CIART: variants seen among roughly 807,000 people sequenced by gnomAD.
CIART encodes circadian associated repressor of transcription.
A neutral mutation model predicts 22.1 loss-of-function variants in CIART; 7 were observed. The ratio of observed to expected loss-of-function variants is 0.32; its 90% confidence interval spans 0.18 to 0.59. The LOEUF (loss-of-function observed/expected upper bound fraction) is 0.59, where lower values mean the gene tolerates loss of function less well. Among genes scored for constraint, CIART ranks in the 20% least tolerant of loss-of-function variants. The probability of loss-of-function intolerance (pLI) is 0.86; values close to 1 mark genes in which losing one functional copy is unlikely to be tolerated. For synonymous variants in CIART, 163 were observed against 174.6 expected (o/e 0.93, Z 0.53); for missense variants, 440 against 478.0 (o/e 0.92, Z 0.74).
rs782348606 is a variant in CIART, at chr1:150,283,467, G to T, written c.200G>T (p.Arg67Leu). 5 of 1,614,208 alleles carry T rather than the reference G, an allele frequency of 3.1e-6. No homozygotes were observed. The Admixed American group carries it at 5.0e-5, about 16-fold the overall frequency. ...CCGGGTCCTATCCGCTGCAGGCATCGATCGAAGGTTTCCGGTAACCAGCAT... is the reference window on the plus strand; with the variant it reads ...CCGGGTCCTATCCGCTGCAGGCATCTATCGAAGGTTTCCGGTAACCAGCAT... ...PSPGPIRCRH[R>L]SKVSGNQHTP... The change falls in exon 1 of 5, where the codon CGA (arginine) becomes CTA (leucine). Residue 67 changes from arginine to leucine, a missense_variant. Arg to Leu is a moderately radical substitution (Grantham distance 102). Coordinates refer to ENST00000290363, the MANE Select transcript of CIART (RefSeq NM_144697.4).
chr1:150,285,256 A>C (rs1287741150), intron 4 of CIART: 1 of 155,944 alleles, frequency 6.4e-6, no homozygotes, highest in Non-Finnish European at 1.4e-5. Context: ...ACCTATTTTC[A>C]GCCGGGAGCG....
intron 4 of CIART, 165 bp downstream of exon 4, chr1:150,284,873 T>TTTGTTGTTGTTG (rs3054391): frequency 4.3e-5 from 24 of 560,874 alleles, no homozygotes; most frequent in Admixed American, 1.0e-4. Flanking sequence ...TCCTACATGT[T>TTTGTTGTTGTTG]TTGTTGTTGT....
Position 150,284,686 on chromosome 1 carries a change from G to C in CIART, c.611G>C (p.Gly204Ala), listed in dbSNP as rs373454172. The change falls in exon 4 of 5, where the codon GGT becomes GCT. Residue 204 changes from glycine (G) to alanine (A), a missense_variant. Physicochemically the swap from Gly to Ala is moderately conservative, Grantham distance 60. Coordinates refer to ENST00000290363, the MANE Select transcript of CIART (RefSeq NM_144697.4). ...GCTGCCCAGAAGTCATCATTGGGTG[G>C]TGGCAAGCATCAGCTGACCAAGGTA... The part of the protein sequence containing the change: ...QIAAQKSSLG[G>A]GKHQLTKHFP... 6.2e-7 allele frequency: 1 copy of C among 1,613,028 alleles called. No homozygotes were observed.
In CIART at chr1:150,283,559, A is replaced by C; in HGVS notation, c.292A>C (p.Arg98=). The stretch of plus-strand genomic sequence containing the variant: ...GGCAGGATCTGGGGCGAAAAGATCA[A>C]GAGATGGTGAACTGGAGACCAGTCT... ...PMAGSGAKRS[R]DGELETSLNT... The change falls in exon 1 of 5, where the codon AGA becomes CGA. Residue 98 remains arginine (R), a synonymous_variant. Transcript: ENST00000290363. 1 of 1,614,212 alleles carries C rather than the reference A, an allele frequency of 6.2e-7. No homozygotes were observed. The highest frequency in any genetic ancestry group is 8.5e-7 in the Non-Finnish European group (1 of 1,179,996).
Position 150,282,976 on chromosome 1 carries a change from A to G in CIART, c.-292A>G, listed in dbSNP as rs587727778. On this transcript the variant is annotated 5_prime_UTR_variant, in exon 1 of 5. Transcript: ENST00000290363. ...GGTATTTACTCTGAACTGAGGGAAG[A>G]AAAGAACGGAGGCCGCGTCAGACCG... 16 of 202,736 alleles carry G rather than the reference A, an allele frequency of 7.9e-5. No homozygotes were observed. In the South Asian group the frequency reaches 2.4e-3, roughly 31 times the overall value. The allele number at this position is 202,736 out of a possible 1,614,324, so 12.6% of individuals were successfully genotyped here.
intron 2 of CIART, 122 bp downstream of exon 2, chr1:150,284,002 CTT>C: frequency 1.9e-6 from 1 of 519,842 alleles, no homozygotes; most frequent in African/African-American, 2.7e-5. Flanking sequence ...GCTACTATGA[CTT>C]TATTATTATT....
Position 150,286,761 on chromosome 1 carries a change from C to T in CIART, c.965C>T (p.Pro322Leu), listed in dbSNP as rs782145542. 6.2e-7 allele frequency: 1 copy of T among 1,613,234 alleles called. No individual in the cohort carries two copies. The highest frequency in any genetic ancestry group is 2.2e-5 in the East Asian group (1 of 44,878). The change falls in exon 5 of 5, where the codon CCT becomes CTT. Residue 322 changes from proline to leucine, a missense_variant. By Grantham distance (98) the Pro-to-Leu change is moderately conservative. Coordinates refer to ENST00000290363, the MANE Select transcript of CIART (RefSeq NM_144697.4). The part of the protein sequence containing the change: ...VPPTTASPVI[P>L]GEPMKLSGEG... The stretch of plus-strand genomic sequence containing the variant: ...CCTACTACAGCATCTCCTGTCATCC[C>T]TGGTGAGCCTATGAAACTATCTGGA...
chr1:150,284,447 G>A lies in CIART; in HGVS notation c.464G>A (p.Ser155Asn). The change falls in exon 3 of 5, where the codon AGT becomes AAT. Residue 155 changes from serine (S) to asparagine (N), a missense_variant. Coordinates refer to ENST00000290363, the MANE Select transcript of CIART (RefSeq NM_144697.4). Reference sequence around the variant, plus strand: ...CCAGGATTAAGCAGTTTTCAGCAGAGTGTGGCAATGGACAGGATCCAGCGT... The same window carrying A: ...CCAGGATTAAGCAGTTTTCAGCAGAATGTGGCAATGGACAGGATCCAGCGT... ...FERGLSSFQQSVAMDRIQRIV... is the reference protein window; with the variant it reads ...FERGLSSFQQNVAMDRIQRIV... 6.2e-7 allele frequency: 1 copy of A among 1,611,906 alleles called. No individual in the cohort carries two copies. Among genetic ancestry groups the A allele is most frequent in the African/African-American group, 1.3e-5 (1 of 74,982 alleles).
Position 150,286,505 on chromosome 1 carries a change from C to A in CIART, c.709C>A (p.Leu237Ile). 4 of 1,584,116 alleles carry A rather than the reference C, an allele frequency of 2.5e-6. No individual in the cohort carries two copies. The highest frequency in any genetic ancestry group is 3.5e-6 in the Non-Finnish European group (4 of 1,152,916). ...SPMEKMDQTQLGHLALKPKQP... is the reference protein window; with the variant it reads ...SPMEKMDQTQIGHLALKPKQP... ...TATGGAAAAGATGGACCAGACACAG[C>A]TAGGACATCTAGCTTTAAAACCAAA... Residue 237 changes from leucine to isoleucine, a missense_variant, in exon 5 of 5, where the codon CTA (leucine) becomes ATA (isoleucine). Transcript: ENST00000290363.
At position 150,284,603 on chromosome 1, in the gene CIART, T is replaced by G. The variant is rs1653376670; in HGVS notation, c.528T>G (p.Arg176=). 1 of 1,612,092 alleles carries G rather than the reference T, an allele frequency of 6.2e-7. No individual in the cohort carries two copies. The highest frequency in any genetic ancestry group is 1.3e-5 in the African/African-American group (1 of 74,848). The change falls in exon 4 of 5, where the codon CGT becomes CGG. Residue 176 remains arginine, a synonymous_variant. Transcript: ENST00000290363. ...GVLQKPQMGE[R]YLGTLLQVEG... The stretch of plus-strand genomic sequence containing the variant: ...AGCAACGTCATTTTCACAGGGAACG[T>G]TACCTAGGAACCTTGCTACAGGTAG...
At chr1:150,285,109 TGTGCCAAACCCTTTGACAG>T in intron 4 of CIART, 30 of 243,740 alleles carry the variant, frequency 1.2e-4, no homozygotes, top group South Asian at 3.4e-4. Context: ...CACGTATCCT[TGTGCCAAACCCTTTGACAG>T]TTTTTGAGTC....
At chr1:150,283,680 C>A in intron 1 of CIART, 47 bp downstream of exon 1, 1 of 1,597,616 alleles carries the variant, frequency 6.3e-7, no homozygotes, top group African/African-American at 1.3e-5. Context: ...TGCCTTAGCA[C>A]CCAGCTGGTT....
In CIART at chr1:150,283,236, G is replaced by A; in HGVS notation, c.-32G>A. On this transcript the variant is annotated 5_prime_UTR_variant, in exon 1 of 5. Transcript: ENST00000290363. ...CAGGTTCCGATCTTTGGGTACTCCAGGAGCTGTTCTATAGCCCCTGCTTCT... is the reference window on the plus strand; with the variant it reads ...CAGGTTCCGATCTTTGGGTACTCCAAGAGCTGTTCTATAGCCCCTGCTTCT... 6.7e-7 allele frequency: 1 copy of A among 1,496,768 alleles called. No homozygotes were observed. The highest frequency in any genetic ancestry group is 8.9e-7 in the Non-Finnish European group (1 of 1,121,682). The allele number at this position is 1,496,768 out of a possible 1,614,324, so 92.7% of individuals were successfully genotyped here.
Position 150,286,805 on chromosome 1 carries a change from A to G in CIART, c.1009A>G (p.Ser337Gly), listed in dbSNP as rs1041817374. Residue 337 changes from serine to glycine, a missense_variant, in exon 5 of 5, where the codon AGT (serine) becomes GGT (glycine). Transcript: ENST00000290363. ...ATCTGGAGAGGGTCCTCGTTGCTACAGTTTGCCAGTAACTCTGCCATCAGA... is the reference window on the plus strand; with the variant it reads ...ATCTGGAGAGGGTCCTCGTTGCTACGGTTTGCCAGTAACTCTGCCATCAGA... ...KLSGEGPRCY[S>G]LPVTLPSDWS... 3 of 1,613,672 alleles carry G rather than the reference A, an allele frequency of 1.9e-6. No individual in the cohort carries two copies. The highest frequency in any genetic ancestry group is 1.7e-5 in the Admixed American group (1 of 59,988).
At position 150,286,741 on chromosome 1, in the gene CIART, T is replaced by A. The variant is rs1553854756; in HGVS notation, c.945T>A (p.Thr315=). Reference sequence around the variant, plus strand: ...CCCCAACCACCCCAGTCCCACCTACTACAGCATCTCCTGTCATCCCTGGTG... The same window carrying A: ...CCCCAACCACCCCAGTCCCACCTACAACAGCATCTCCTGTCATCCCTGGTG... ...HSAPTTPVPP[T]TASPVIPGEP... Residue 315 remains threonine, a synonymous_variant, in exon 5 of 5, where the codon ACT becomes ACA. Coordinates refer to ENST00000290363, the MANE Select transcript of CIART (RefSeq NM_144697.4). 6.2e-7 allele frequency: 1 copy of A among 1,612,830 alleles called. No homozygotes were observed. Among genetic ancestry groups the A allele is most frequent in the South Asian group, 1.1e-5 (1 of 91,060 alleles).
chr1:150,286,546 C>T lies in CIART; in HGVS notation c.750C>T (p.Leu250=). ...LALKPKQPWH[L]TQWPAMNLTW... is the part of the protein sequence containing the mutation. ...TAAAACCAAAGCAGCCTTGGCACCT[C>T]ACACAATGGCCAGCTATGAACCTCA... The change falls in exon 5 of 5, where the codon CTC becomes CTT. Residue 250 remains leucine, a synonymous_variant. Transcript: ENST00000290363. 2 of 1,603,628 alleles carry T rather than the reference C, an allele frequency of 1.2e-6. No individual in the cohort carries two copies. The highest frequency in any genetic ancestry group is 1.1e-5 in the South Asian group (1 of 90,830).
Position 150,286,815 on chromosome 1 carries a change from T to A in CIART, c.1019T>A (p.Val340Glu), listed in dbSNP as rs782283824. Residue 340 changes from valine (V) to glutamate (E), a missense_variant, in exon 5 of 5, where the codon GTA becomes GAA. Transcript: ENST00000290363. The part of the protein sequence containing the change: ...GEGPRCYSLP[V>E]TLPSDWSYTL... The stretch of plus-strand genomic sequence containing the variant: ...GGTCCTCGTTGCTACAGTTTGCCAG[T>A]AACTCTGCCATCAGACTGGAGCTAT... The A allele has an allele frequency of 1.9e-6, 3 of 1,613,616 alleles. No individual in the cohort carries two copies. The Admixed American group carries it at 5.0e-5, about 27-fold the overall frequency.
In CIART at chr1:150,283,482, G is replaced by A. The variant is rs1427231862; in HGVS notation, c.215G>A (p.Gly72Asp). The A allele has an allele frequency of 1.9e-6, 3 of 1,614,196 alleles. No individual in the cohort carries two copies. ...TGCAGGCATCGATCGAAGGTTTCCG[G>A]TAACCAGCATACACCATCTCATCCG... is the stretch of plus-strand genomic sequence containing the variant. ...IRCRHRSKVS[G>D]NQHTPSHPKQ... Residue 72 changes from glycine (G) to aspartate (D), a missense_variant, in exon 1 of 5, where the codon GGT becomes GAT. Coordinates refer to ENST00000290363, the MANE Select transcript of CIART (RefSeq NM_144697.4).
Position 150,286,824 on chromosome 1 carries a change from C to T in CIART, c.1028C>T (p.Pro343Leu). Residue 343 changes from proline to leucine, a missense_variant, in exon 5 of 5, where the codon CCA becomes CTA. Physicochemically the swap from Pro to Leu is moderately conservative, Grantham distance 98. Coordinates refer to ENST00000290363, the MANE Select transcript of CIART (RefSeq NM_144697.4). ...PRCYSLPVTLPSDWSYTLSPP... is the reference protein window; with the variant it reads ...PRCYSLPVTLLSDWSYTLSPP... ...TGCTACAGTTTGCCAGTAACTCTGCCATCAGACTGGAGCTATACCCTATCC... is the reference window on the plus strand; with the variant it reads ...TGCTACAGTTTGCCAGTAACTCTGCTATCAGACTGGAGCTATACCCTATCC... 1 of 1,613,606 alleles carries T rather than the reference C, an allele frequency of 6.2e-7. No individual in the cohort carries two copies. Among genetic ancestry groups the T allele is most frequent in the Non-Finnish European group, 8.5e-7 (1 of 1,179,634 alleles).
Sources: gnomAD v4.1 joint callset for allele counts on GRCh38, gnomAD v4.1.1 for gene constraint, MANE v1.5 for transcripts, NCBI Gene and HGNC (gene_info 2026-07-23, HGNC 2026-07-21) for gene names.